EHMT1: variants seen among roughly 807,000 people sequenced by gnomAD.
The protein encoded by EHMT1 is histone-lysine N-methyltransferase EHMT1.
Under a neutral mutation model 147.2 loss-of-function variants are expected in EHMT1, and 15 were observed. The ratio of observed to expected loss-of-function variants is 0.10; its 90% CI spans 0.07 to 0.16. The LOEUF (loss-of-function observed/expected upper bound fraction) is 0.16, where lower values mean the gene tolerates loss of function less well. Ranked by LOEUF, EHMT1 falls within the 10% of genes least tolerant of loss-of-function variation. The pLI, the probability that EHMT1 is intolerant of heterozygous loss-of-function variation, is 1.00. For synonymous variants in EHMT1, 795 were observed against 709.6 expected, an observed-to-expected ratio of 1.12 and a Z score of -1.91; for missense variants, 1,587 against 1,772.4, an observed-to-expected ratio of 0.90 and a Z score of 1.88.
intron 3 of EHMT1, among the ~76,000 whole-genome samples, chr9:137,723,493 G>A (rs1457701501): frequency 1.4e-5 from 2 of 142,602 alleles, no homozygotes; most frequent in Non-Finnish European, 3.0e-5. Context: ...GTCTGTGTCT[G>A]TGGTTCTGGG....
chr9:137,674,268 T>G (rs1341838795), intron 1 of EHMT1, among the ~76,000 whole-genome samples: 1 of 152,174 alleles, frequency 6.6e-6, no homozygotes, highest in African/African-American at 2.4e-5. Context: ...GGCCAACCTC[T>G]CCATCGAGCC....
chr9:137,681,388 A>G (rs796686112), intron 1 of EHMT1, among the ~76,000 whole-genome samples: 1 of 152,304 alleles, frequency 6.6e-6, no homozygotes, highest in Middle Eastern at 3.4e-3. Context: ...TACACATCCC[A>G]CAAATTCTTT....
chr9:137,647,928 T>C (rs1222775318), intron 1 of EHMT1, among the ~76,000 whole-genome samples: 1 of 152,250 alleles, frequency 6.6e-6, no homozygotes, highest in Admixed American at 6.5e-5. Context: ...CGCTCTCTCC[T>C]GCTTTCTTTT....
intron 9 of EHMT1, among the ~76,000 whole-genome samples, chr9:137,760,414 C>G (rs997591691): frequency 2.0e-5 from 3 of 152,160 alleles, no homozygotes; most frequent in Non-Finnish European, 4.4e-5. Context: ...GGTTGCTGAG[C>G]AGGATCATCT....
chr9:137,627,513 C>T (rs1217817710), intron 1 of EHMT1, among the ~76,000 whole-genome samples: 1 of 152,006 alleles, frequency 6.6e-6, no homozygotes, highest in Non-Finnish European at 1.5e-5. Context: ...GATTTGCCCA[C>T]CTCAGCCTCC....
intron 9 of EHMT1, 49 bp from the exon 10 acceptor site, chr9:137,762,626 C>A (rs1159803222): frequency 5.6e-6 from 9 of 1,613,534 alleles, no homozygotes; most frequent in Non-Finnish European, 8.5e-7. Flanking sequence ...TCTAGATGTT[C>A]TTTTGAGGTC....
At chr9:137,668,622 C>CA (rs1220575133) in intron 1 of EHMT1, among the ~76,000 whole-genome samples, 1 of 152,198 alleles carries the variant, frequency 6.6e-6, no homozygotes, top group Non-Finnish European at 1.5e-5. Context: ...CCGTGTCCCC[C>CA]ACTCCCCCAA....
chr9:137,794,472 A>G (rs1376813507), intron 16 of EHMT1, among the ~76,000 whole-genome samples: 1 of 151,928 alleles, frequency 6.6e-6, no homozygotes, highest in East Asian at 1.9e-4. Flanking sequence ...GCATAGTGAG[A>G]CCCCATCTCT....
chr9:137,734,389 A>G (rs1412378294), intron 4 of EHMT1, among the ~76,000 whole-genome samples: 1 of 152,250 alleles, frequency 6.6e-6, no homozygotes, highest in East Asian at 1.9e-4. Context: ...ATCTGAACAG[A>G]CGGAAGAAAG....
chr9:137,801,061 A>C, intron 18 of EHMT1, 77 bp downstream of exon 18: 8 of 1,363,308 alleles, frequency 5.9e-6, no homozygotes, highest in Non-Finnish European at 8.3e-6. Flanking sequence ...TTCTTTTCTC[A>C]AAAGCAGAAC....
intron 1 of EHMT1, chr9:137,638,336 C>T (rs1225951746): frequency 6.6e-6 from 1 of 152,124 alleles, no homozygotes; most frequent in Non-Finnish European, 1.5e-5. Flanking sequence ...TCTCGCGCTC[C>T]TGACCTCAGG....
intron 16 of EHMT1, among the ~76,000 whole-genome samples, chr9:137,795,537 T>TTTTC (rs1952867543): frequency 6.6e-6 from 1 of 151,350 alleles, no homozygotes. Flanking sequence ...GGGATGTGAG[T>TTTTC]GAAATTGAGG....
At chr9:137,714,524 TG>T (rs1353771626) in intron 2 of EHMT1, among the ~76,000 whole-genome samples, 1 of 151,372 alleles carries the variant, frequency 6.6e-6, no homozygotes, top group South Asian at 2.1e-4. Flanking sequence ...GTTTTGTTGT[TG>T]GGGGGTGCGG....
chr9:137,631,474 G>A (rs142788536), intron 1 of EHMT1, among the ~76,000 whole-genome samples: 31 of 152,282 alleles, frequency 2.0e-4, no homozygotes, highest in African/African-American at 7.0e-4. Flanking sequence ...CAGGTCACCA[G>A]TATTTAATTA....
chr9:137,705,133 G>T (rs1564611742), intron 1 of EHMT1, among the ~76,000 whole-genome samples: 1 of 152,006 alleles, frequency 6.6e-6, no homozygotes, highest in East Asian at 1.9e-4. Context: ...GGGACTACAG[G>T]TGTGTGCCAC....
intron 18 of EHMT1, among the ~76,000 whole-genome samples, chr9:137,807,373 G>A (rs571016643): frequency 2.0e-5 from 3 of 152,172 alleles, no homozygotes; most frequent in South Asian, 2.1e-4. Context: ...AGGCATTGTC[G>A]TTTTCAGCTC....
At chr9:137,752,093 G>A (rs934768856) in intron 6 of EHMT1, among the ~76,000 whole-genome samples, 2 of 152,236 alleles carry the variant, frequency 1.3e-5, no homozygotes, top group African/African-American at 4.8e-5. Context: ...AGACAGGACC[G>A]GGGAGCAGAG....
intron 1 of EHMT1, among the ~76,000 whole-genome samples, chr9:137,679,080 G>T (rs1941683853): frequency 6.6e-6 from 1 of 151,980 alleles, no homozygotes; most frequent in Non-Finnish European, 1.5e-5. Context: ...CAGCCTCCTG[G>T]GTAGCTGGGA....
At chr9:137,652,057 A>T (rs1261328192) in intron 1 of EHMT1, among the ~76,000 whole-genome samples, 1 of 152,024 alleles carries the variant, frequency 6.6e-6, no homozygotes. Flanking sequence ...CTACTTATTT[A>T]AAAAAAAGTT....
Sources: gnomAD v4.1 joint callset for allele counts (sites outside exome capture counted in the v4.1 genomes callset) on GRCh38, gnomAD v4.1.1 for gene constraint, MANE v1.5 for transcripts, NCBI Gene and HGNC (gene_info 2026-07-23, HGNC 2026-07-21) for gene names.